CHRNA2: variants seen among roughly 807,000 people sequenced by gnomAD.
The protein encoded by CHRNA2 is neuronal acetylcholine receptor subunit alpha-2.
Under a neutral mutation model 45.5 loss-of-function variants are expected in CHRNA2, and 40 were observed. The ratio of observed to expected loss-of-function variants is 0.88; its 90% CI spans 0.68 to 1.15. The LOEUF (loss-of-function observed/expected upper bound fraction) is 1.15, where lower values mean the gene tolerates loss of function less well. Among genes scored for constraint, CHRNA2 ranks in the 50% most tolerant of loss-of-function variants. The pLI, the probability that CHRNA2 is intolerant of heterozygous loss-of-function variation, is 0.00. For synonymous variants in CHRNA2, 301 were observed against 296.7 expected, an observed-to-expected ratio of 1.01 and a Z score of -0.15; for missense variants, 655 against 701.7, an observed-to-expected ratio of 0.93 and a Z score of 0.75.
At chr8:27,473,529 C>T (rs1330642558) in intron 1 of CHRNA2, among the ~76,000 whole-genome samples, 2 of 123,328 alleles carry the variant, frequency 1.6e-5, no homozygotes, top group Admixed American at 8.1e-5. Context: ...GTGAGACCCC[C>T]CCCGCCGTCT....
chr8:27,473,533 G>T lies in CHRNA2; in HGVS notation c.-136-2339C>A, dbSNP rs4377919. Among the ~76,000 whole-genome samples, 29 of 104,528 alleles carry T rather than the reference G, an allele frequency of 2.8e-4. No homozygotes were observed. In the East Asian group the frequency reaches 8.7e-3, roughly 31 times the overall value. 68.6% of individuals were successfully genotyped at this position (104,528 alleles called of 152,430 possible). ...TGGGCAACATAGTGAGACCCCCCCC[G>T]CCGTCTCTACAAAAAATTCAAAAAT... is the stretch of plus-strand genomic sequence containing the variant. On this transcript the variant is annotated intron_variant, in intron 1 of 6. Coordinates refer to ENST00000407991, the MANE Select transcript of CHRNA2 (RefSeq NM_000742.4).
In CHRNA2 at chr8:27,467,299, A is replaced by C. The variant is rs1812727655; in HGVS notation, c.379T>G (p.Phe127Val). The change falls in exon 5 of 7, where the codon TTT becomes GTT. Residue 127 changes from phenylalanine (F) to valine (V), a missense_variant. Physicochemically the swap from Phe to Val is conservative, Grantham distance 50. Coordinates refer to ENST00000407991, the MANE Select transcript of CHRNA2 (RefSeq NM_000742.4). Reference sequence around the variant, plus strand: ...ACCCTGAGAGATGTGATGTTGCCAAAATCAGTGGGGTTCCAGCGCAGTTTG... The same window carrying C: ...ACCCTGAGAGATGTGATGTTGCCAACATCAGTGGGGTTCCAGCGCAGTTTG... ...DYKLRWNPTD[F>V]GNITSLRVPS... The C allele has an allele frequency of 6.2e-7, 1 of 1,613,926 alleles. No homozygotes were observed. The highest frequency in any genetic ancestry group is 1.1e-5 in the South Asian group (1 of 91,090).
At chr8:27,468,096 A>G (rs1486559532) in intron 4 of CHRNA2, among the ~76,000 whole-genome samples, 1 of 152,200 alleles carries the variant, frequency 6.6e-6, no homozygotes, top group African/African-American at 2.4e-5. Context: ...TGTTATCCTC[A>G]TTTTGCAAAT....
At chr8:27,469,269 T>G (rs1301497822) in intron 4 of CHRNA2, 66 bp downstream of exon 4, 17 of 1,464,438 alleles carry the variant, frequency 1.2e-5, no homozygotes, top group African/African-American at 4.2e-5. Context: ...GAAGAAGTCC[T>G]GGAGGGGTCT....
intron 5 of CHRNA2, among the ~76,000 whole-genome samples, chr8:27,466,876 C>T (rs921219577): frequency 1.3e-5 from 2 of 152,202 alleles, no homozygotes; most frequent in Admixed American, 1.3e-4. Context: ...CCGATGCTGC[C>T]TGCCTGTCTG....
chr8:27,462,985 G>C lies in CHRNA2; in HGVS notation c.1458C>G (p.Asp486Glu), dbSNP rs1403645782. The C allele has an allele frequency of 1.2e-6, 2 of 1,614,088 alleles. No homozygotes were observed. The highest frequency in any genetic ancestry group is 2.2e-5 in the South Asian group (2 of 91,086). Reference protein sequence around the residue: ...IADHLRSEDADSSVKEDWKYV... With the variant: ...IADHLRSEDAESSVKEDWKYV... ...TCTCCCAACCCCAACGCACCGAAGAGTCAGCATCCTCAGACCGCAGGTGGT... is the reference window on the plus strand; with the variant it reads ...TCTCCCAACCCCAACGCACCGAAGACTCAGCATCCTCAGACCGCAGGTGGT... The change falls in exon 6 of 7, where the codon GAC (aspartate) becomes GAG (glutamate). Residue 486 changes from aspartate (D) to glutamate (E), a missense_variant. Around this residue, in one of 3 missense-constraint regions of CHRNA2, gnomAD observed 295 missense variants for 280.4 expected, o/e 1.05. Coordinates refer to ENST00000407991, the MANE Select transcript of CHRNA2 (RefSeq NM_000742.4).
chr8:27,477,386 C>T (rs1813093166), intron 1 of CHRNA2, among the ~76,000 whole-genome samples: 1 of 152,180 alleles, frequency 6.6e-6, no homozygotes, highest in African/African-American at 2.4e-5. Context: ...TCTGTTTCAC[C>T]TTTTAACCAA....
chr8:27,465,187 G>A (rs942071555), intron 5 of CHRNA2, among the ~76,000 whole-genome samples: 2 of 152,102 alleles, frequency 1.3e-5, no homozygotes, highest in Non-Finnish European at 2.9e-5. Context: ...GACCAGTCAG[G>A]TAGCACTTCC....
chr8:27,470,112 G>T, intron 2 of CHRNA2, 131 bp from the exon 3 acceptor site: 1 of 892,904 alleles, frequency 1.1e-6, no homozygotes, highest in Non-Finnish European at 1.8e-6. Context: ...TCAGAGCTGA[G>T]CACAGCATGA....
Position 27,469,830 on chromosome 8 carries a change from G to T in CHRNA2, c.225C>A (p.Arg75=), listed in dbSNP as rs371737919. ...HLFRGYNRWA[R]PVPNTSDVVI... ...CCACGTCTGAAGTGTTGGGCACCGG[G>T]CGCGCCCAGCGGTTGTAGCCCCGGA... Residue 75 remains arginine, a synonymous_variant, in exon 3 of 7, where the codon CGC becomes CGA. Coordinates refer to ENST00000407991, the MANE Select transcript of CHRNA2 (RefSeq NM_000742.4). 9.0e-5 allele frequency: 146 copies of T among 1,614,070 alleles called. No homozygotes were observed. The highest frequency in any genetic ancestry group is 1.2e-4 in the Non-Finnish European group (142 of 1,180,042).
chr8:27,464,843 A>C lies in CHRNA2; in HGVS notation c.450-850T>G, dbSNP rs886447600. Among the ~76,000 whole-genome samples, 10 of 152,124 alleles carry C rather than the reference A, an allele frequency of 6.6e-5. No individual in the cohort carries two copies. The South Asian group carries it at 2.1e-3, about 32-fold the overall frequency. On this transcript the variant is annotated intron_variant, in intron 5 of 6. Transcript: ENST00000407991. ...CTGTACCAGAGCTGTGCAGAAGAGG[A>C]ATATGAGAAAAGTCCCTGCCTTTAA...
At position 27,469,877 on chromosome 8, in the gene CHRNA2, C is replaced by A. The variant is rs759538013; in HGVS notation, c.178G>T (p.Asp60Tyr). The change falls in exon 3 of 7, where the codon GAC becomes TAC. Residue 60 changes from aspartate to tyrosine, a missense_variant. Asp to Tyr is a radical substitution (Grantham distance 160). Coordinates refer to ENST00000407991, the MANE Select transcript of CHRNA2 (RefSeq NM_000742.4). Reference protein sequence around the residue: ...PQGGSHTETEDRLFKHLFRGY... With the variant: ...PQGGSHTETEYRLFKHLFRGY... ...CGGAAGAGGTGTTTGAAGAGCCGGT[C>A]CTCAGTCTCGGTATGCGAGCCTCCC... is the stretch of plus-strand genomic sequence containing the variant. 1 of 1,614,190 alleles carries A rather than the reference C, an allele frequency of 6.2e-7. No individual in the cohort carries two copies. Among genetic ancestry groups the A allele is most frequent in the Admixed American group, 1.7e-5 (1 of 60,034 alleles).
chr8:27,469,214 G>A, intron 4 of CHRNA2, 121 bp downstream of exon 4: 1 of 1,005,452 alleles, frequency 9.9e-7, no homozygotes, highest in South Asian at 1.4e-5. Flanking sequence ...CATCTGCTTG[G>A]TAAACTAAGT....
chr8:27,462,765 G>A (rs942660865), intron 6 of CHRNA2, among the ~76,000 whole-genome samples: 5 of 152,196 alleles, frequency 3.3e-5, no homozygotes, highest in Admixed American at 6.5e-5. Context: ...GCCTGACTCC[G>A]TGGTGTGTAA....
chr8:27,473,528 C>CG (rs1014526646), intron 1 of CHRNA2, among the ~76,000 whole-genome samples: 2 of 119,678 alleles, frequency 1.7e-5, no homozygotes, highest in African/African-American at 6.3e-5. Flanking sequence ...AGTGAGACCC[C>CG]CCCCGCCGTC....
At chr8:27,473,072 AAT>A (rs57577570) in intron 1 of CHRNA2, among the ~76,000 whole-genome samples, 19 of 151,404 alleles carry the variant, frequency 1.3e-4, no homozygotes, top group East Asian at 5.8e-4. Context: ...TGATTTAAAA[AAT>A]ATATATATAT....
intron 1 of CHRNA2, among the ~76,000 whole-genome samples, chr8:27,478,087 CA>C (rs1813115507): frequency 6.6e-6 from 1 of 152,188 alleles, no homozygotes; most frequent in African/African-American, 2.4e-5. Context: ...TTCCTTCTCC[CA>C]AAAGGCTGCT....
intron 2 of CHRNA2, 78 bp downstream of exon 2, chr8:27,470,908 C>T (rs376370482): frequency 6.8e-7 from 1 of 1,461,544 alleles, no homozygotes; most frequent in East Asian, 2.3e-5. Flanking sequence ...AACACATCCA[C>T]CTGCAGACTC....
chr8:27,470,243 C>T (rs1418495576), intron 2 of CHRNA2, among the ~76,000 whole-genome samples: 3 of 152,048 alleles, frequency 2.0e-5, no homozygotes, highest in Admixed American at 1.3e-4. Context: ...AGAGGGGAAA[C>T]GAATCTAGAG....
Sources: gnomAD v4.1 joint callset for allele counts (sites outside exome capture counted in the v4.1 genomes callset) on GRCh38, gnomAD v4.1.1 for gene constraint, gnomAD v4.1.1 regional missense constraint, MANE v1.5 for transcripts, NCBI Gene and HGNC (gene_info 2026-07-23, HGNC 2026-07-21) for gene names.